CFAP20DC: variants seen among roughly 807,000 people sequenced by gnomAD.
CFAP20DC encodes the protein CFAP20 domain containing.
CFAP20DC carries 84 observed loss-of-function variants against 101.7 expected under a neutral mutation model. The observed-to-expected ratio is 0.83, with a 90% confidence interval of 0.69 to 0.99. The LOEUF is 0.99. CFAP20DC is among the 50% of genes least tolerant of loss of function. The pLI is 0.00. For synonymous variants in CFAP20DC, 359 were observed against 351.2 expected (o/e 1.02, Z -0.25); for missense variants, 1,007 against 970.3 (o/e 1.04, Z -0.50).
In CFAP20DC at chr3:58,721,041, A is replaced by T. The variant is rs2067466068; in HGVS notation, c.198-3413T>A. Reference sequence around the variant, plus strand: ...GAAAACCTCCTCAGACTCCAAGGCTAGGTTAGGTTCCTCATTTTTCTCTCC... The same window carrying T: ...GAAAACCTCCTCAGACTCCAAGGCTTGGTTAGGTTCCTCATTTTTCTCTCC... On this transcript the variant is annotated intron_variant, in intron 3 of 3. Transcript: ENST00000486145. This position sits in a 1 kb window ranked among gnomAD's most constrained non-coding sequence, Gnocchi z 5.2. Among the ~76,000 whole-genome samples, 1 of 152,148 alleles carries T rather than the reference A, an allele frequency of 6.6e-6. No homozygotes were observed. The highest frequency in any genetic ancestry group is 2.4e-5 in the African/African-American group (1 of 41,440).
intron 15 of CFAP20DC, among the ~76,000 whole-genome samples, chr3:58,771,272 G>A (rs1391023647): frequency 6.6e-6 from 1 of 151,990 alleles, no homozygotes; most frequent in Non-Finnish European, 1.5e-5. Flanking sequence ...CTAGGGGAGG[G>A]ATAACATTAG....
chr3:58,974,203 A>T (rs975530173), intron 4 of CFAP20DC, among the ~76,000 whole-genome samples: 1 of 152,120 alleles, frequency 6.6e-6, no homozygotes, highest in Non-Finnish European at 1.5e-5. Context: ...CTTGTCACCT[A>T]GGTAGTGAGC....
intron 14 of CFAP20DC, among the ~76,000 whole-genome samples, chr3:58,819,809 T>C (rs1197563231): frequency 2.0e-5 from 3 of 149,046 alleles, no homozygotes; most frequent in African/African-American, 7.5e-5. Context: ...AGCATCATCC[T>C]GATACCAAAG....
Position 58,742,401 on chromosome 3 carries a change from C to T in CFAP20DC, c.*59G>A. 6.7e-7 allele frequency: 1 copy of T among 1,503,308 alleles called. No individual in the cohort carries two copies. The allele number at this position is 1,503,308 out of a possible 1,614,324, so 93.1% of individuals were successfully genotyped here. On this transcript the variant is annotated 3_prime_UTR_variant, in exon 17 of 17. Transcript: ENST00000482387. ...TAAGTTGTGGTGACTCCTTAAGCGA[C>T]CCTGAACTGCTATTCTGCTCCAGCT...
At chr3:59,021,749 T>C (rs2093807072) in intron 4 of CFAP20DC, among the ~76,000 whole-genome samples, 1 of 151,926 alleles carries the variant, frequency 6.6e-6, no homozygotes, top group Non-Finnish European at 1.5e-5. Context: ...AGAACGAAAC[T>C]GAAGAACTGA....
chr3:58,716,967 A>T (rs372240136), downstream of CFAP20DC, among the ~76,000 whole-genome samples: 57 of 152,274 alleles, frequency 3.7e-4, no homozygotes, highest in African/African-American at 1.3e-3. Context: ...TTTGCTTTAG[A>T]CCTTCTAAAG....
At chr3:58,929,656 T>C (rs916703037) in intron 5 of CFAP20DC, among the ~76,000 whole-genome samples, 134 of 152,310 alleles carry the variant, frequency 8.8e-4, no homozygotes, top group African/African-American at 3.1e-3. Flanking sequence ...ATCAAGCTCA[T>C]TTTTATTACA....
At chr3:58,992,715 A>G (rs2092981775) in intron 4 of CFAP20DC, 1 of 199,492 alleles carries the variant, frequency 5.0e-6, no homozygotes, top group Non-Finnish European at 9.0e-6. Flanking sequence ...TTATATAAAA[A>G]CATTTGAATA....
At chr3:58,994,092 T>C (rs1177078273) in intron 4 of CFAP20DC, among the ~76,000 whole-genome samples, 1 of 152,194 alleles carries the variant, frequency 6.6e-6, no homozygotes, top group Non-Finnish European at 1.5e-5. Flanking sequence ...TCAATCAACC[T>C]TTCCCTTTCT....
rs1321954660 is a variant in CFAP20DC, at chr3:58,971,172, C to T, written c.279-33410G>A. 6.6e-6 allele frequency among the ~76,000 whole-genome samples: 1 copy of T among 152,104 alleles called. No individual in the cohort carries two copies. The highest frequency in any genetic ancestry group is 6.6e-5 in the Admixed American group (1 of 15,256). On this transcript the variant is annotated intron_variant, in intron 4 of 16. Coordinates refer to ENST00000482387, the MANE Select transcript of CFAP20DC (RefSeq NM_001394063.1). The surrounding 1 kb of genome is among the most constrained non-coding windows in gnomAD (Gnocchi z 4.1). ...ACTATTCTGTTGAGCCTAACAGTAC[C>T]ATCACAAACGATCACTTTCTGAAGC... is the stretch of plus-strand genomic sequence containing the variant.
intron 13 of CFAP20DC, among the ~76,000 whole-genome samples, chr3:58,842,571 G>C (rs1002031254): frequency 2.0e-5 from 3 of 152,090 alleles, no homozygotes; most frequent in East Asian, 1.9e-4. Flanking sequence ...ACTGCAAGGC[G>C]GCAGCGAGCT....
chr3:58,963,221 TG>T (rs1327798981), intron 4 of CFAP20DC, among the ~76,000 whole-genome samples: 2 of 148,088 alleles, frequency 1.4e-5, no homozygotes, highest in Non-Finnish European at 3.0e-5. Flanking sequence ...TGTGTGTGTG[TG>T]TGTGTGTGTG....
chr3:58,786,378 T>C (rs1270470746), intron 15 of CFAP20DC, among the ~76,000 whole-genome samples: 2 of 152,140 alleles, frequency 1.3e-5, no homozygotes, highest in Non-Finnish European at 2.9e-5. Context: ...GTAAATACAG[T>C]AGTCCCTCCT....
At chr3:58,854,324 G>A (rs934307629) in intron 12 of CFAP20DC, among the ~76,000 whole-genome samples, 1 of 150,908 alleles carries the variant, frequency 6.6e-6, no homozygotes, top group Admixed American at 6.6e-5. Context: ...CACTGCTCAA[G>A]GAAATAAAAG....
At chr3:59,026,853 T>G (rs1416437710) in intron 4 of CFAP20DC, among the ~76,000 whole-genome samples, 1 of 152,170 alleles carries the variant, frequency 6.6e-6, no homozygotes, top group African/African-American at 2.4e-5. Flanking sequence ...AAGAGTAACT[T>G]TCATTAAATT....
chr3:59,045,886 G>A (rs1699813665), intron 3 of CFAP20DC, among the ~76,000 whole-genome samples: 1 of 151,982 alleles, frequency 6.6e-6, no homozygotes, highest in Admixed American at 6.6e-5. Context: ...GCTATTAGGA[G>A]GATTAAAAGA....
At chr3:58,935,839 T>A (rs976393658) in intron 5 of CFAP20DC, among the ~76,000 whole-genome samples, 2 of 152,096 alleles carry the variant, frequency 1.3e-5, no homozygotes, top group Non-Finnish European at 2.9e-5. Flanking sequence ...AACCTAGGCA[T>A]TACCATTCAG....
intron 3 of CFAP20DC, among the ~76,000 whole-genome samples, chr3:59,043,306 T>A (rs918643231): frequency 2.0e-5 from 3 of 151,422 alleles, no homozygotes; most frequent in African/African-American, 7.3e-5. Context: ...AACAGTGAAA[T>A]GGGAAGAAAA....
chr3:58,786,777 G>C (rs1467817243), intron 15 of CFAP20DC, among the ~76,000 whole-genome samples: 1 of 144,264 alleles, frequency 6.9e-6, no homozygotes, highest in African/African-American at 2.5e-5. Context: ...GACTTAATAA[G>C]GAAAGAAAAA....
Sources: allele counts gnomAD v4.1 joint callset (sites outside exome capture counted in the v4.1 genomes callset), GRCh38; gene constraint gnomAD v4.1.1; non-coding constraint Gnocchi (gnomAD v3.1); transcripts MANE v1.5; gene names NCBI Gene and HGNC (gene_info 2026-07-23, HGNC 2026-07-21).